The following ABCA3 variants were observed in gnomAD, a reference collection of about 807,000 sequenced individuals.
ABCA3 encodes phospholipid-transporting ATPase ABCA3.
In ABCA3, 88 loss-of-function variants were observed where a neutral mutation model predicts 172.8. The observed-to-expected ratio is 0.51, with a 90% CI of 0.43 to 0.61. The LOEUF is 0.61. ABCA3 is among the 20% of genes least tolerant of loss of function. ABCA3 has a pLI of 0.00. For missense variants in ABCA3, 2,164 were observed against 2,301.0 expected (o/e 0.94, Z 1.22); for synonymous variants, 1,066 against 983.8 (o/e 1.08, Z -1.56).
At chr16:2,300,992 A>C (rs2093688093) in intron 12 of ABCA3, among the ~76,000 whole-genome samples, 1 of 150,076 alleles carries the variant, frequency 6.7e-6, no homozygotes, top group Non-Finnish European at 1.5e-5. Flanking sequence ...GCACTTTGGG[A>C]GGCCGAGGCG....
At position 2,297,297 on chromosome 16, in the gene ABCA3, C is replaced by T. The variant is rs375573611; in HGVS notation, c.2263+32G>A. 9.3e-6 allele frequency: 15 copies of T among 1,604,894 alleles called. No homozygotes were observed. The highest frequency in any genetic ancestry group is 3.3e-5 in the South Asian group (3 of 90,900). On this transcript the variant is annotated intron_variant, in intron 17 of 32. Transcript: ENST00000301732. The surrounding 1 kb of genome is among the most constrained non-coding windows in gnomAD (Gnocchi z 5.6). ...TCCCTCAGCACGGCAGCCAGGACAC[C>T]GACCCTGTCGCGGGCTGGCCCCACC...
chr16:2,277,765 T>G lies in ABCA3; in HGVS notation c.4910-95A>C. On this transcript the variant is annotated intron_variant, in intron 31 of 32. Coordinates refer to ENST00000301732, the MANE Select transcript of ABCA3 (RefSeq NM_001089.3). The surrounding 1 kb of genome is among the most constrained non-coding windows in gnomAD (Gnocchi z 5.3). The stretch of plus-strand genomic sequence containing the variant: ...AGCACTGGAGTCCTCGTCCCAGGGA[T>G]TGGGGAGATGGGACTTGGCGGGGCG... 2 of 1,588,102 alleles carry G rather than the reference T, an allele frequency of 1.3e-6. No homozygotes were observed. The highest frequency in any genetic ancestry group is 1.7e-6 in the Non-Finnish European group (2 of 1,162,828).
chr16:2,321,356 G>GC (rs1252570794), intron 7 of ABCA3, among the ~76,000 whole-genome samples: 3 of 152,174 alleles, frequency 2.0e-5, no homozygotes, highest in African/African-American at 7.2e-5. Context: ...TAGAGCATTA[G>GC]CCTGGTGACA....
rs769597836 is a variant in ABCA3, at chr16:2,288,327, G to T, written c.2703C>A (p.Leu901=). 6.4e-7 allele frequency: 1 copy of T among 1,551,592 alleles called. No homozygotes were observed. Among genetic ancestry groups the T allele is most frequent in the East Asian group, 2.4e-5 (1 of 42,050 alleles). The change falls in exon 21 of 33, where the codon CTC becomes CTA. Residue 901 remains leucine, a splice_region_variant and synonymous_variant. Coordinates refer to ENST00000301732, the MANE Select transcript of ABCA3 (RefSeq NM_001089.3). The stretch of plus-strand genomic sequence containing the variant: ...CCCAGAATTGCTGGCAGTGCAGGGC[G>T]AGCTGCGGCAGAGGGGACGCAGGTG... ...ERTAVKLNTG[L]ALHCQQFWAM...
At chr16:2,333,215 G>A (rs1204085601) in intron 1 of ABCA3, among the ~76,000 whole-genome samples, 5 of 152,192 alleles carry the variant, frequency 3.3e-5, no homozygotes, top group Admixed American at 2.0e-4. Flanking sequence ...AGGCCAGAGT[G>A]AGGGGCACAA....
At position 2,284,865 on chromosome 16, in the gene ABCA3, G is replaced by A. The variant is rs765664396; in HGVS notation, c.3617C>T (p.Ala1206Val). 91 of 1,613,934 alleles carry A rather than the reference G, an allele frequency of 5.6e-5. 2 individuals carry two copies. The highest frequency in any genetic ancestry group is 3.3e-4 in the Middle Eastern group (2 of 6,062). The change falls in exon 24 of 33, where the codon GCG becomes GTG. Residue 1206 changes from alanine to valine, a missense_variant. Coordinates refer to ENST00000301732, the MANE Select transcript of ABCA3 (RefSeq NM_001089.3). The surrounding 1 kb of genome is among the most constrained non-coding windows in gnomAD (Gnocchi z 5.9). ...MYLMNFFFLG[A>V]ATAYTRLTIF... Reference sequence around the variant, plus strand: ...GGTCAGCCTCGTGTAGGCAGTGGCCGCCCCCAAGAAGAAGAAGTTCATCAG... The same window carrying A: ...GGTCAGCCTCGTGTAGGCAGTGGCCACCCCCAAGAAGAAGAAGTTCATCAG...
In ABCA3 at chr16:2,276,793, G is replaced by C; in HGVS notation, c.4996C>G (p.Leu1666Val). Residue 1666 changes from leucine to valine, a missense_variant, in exon 33 of 33, where the codon CTG becomes GTG. By Grantham distance (32) the Leu-to-Val change is conservative (BLOSUM62 1). Around this residue, in one of 3 missense-constraint regions of ABCA3, gnomAD observed 795 missense variants for 881.9 expected, o/e 0.90. Coordinates refer to ENST00000301732, the MANE Select transcript of ABCA3 (RefSeq NM_001089.3). The stretch of plus-strand genomic sequence containing the variant: ...CCGTACTTTTCCTTGGCTTTCTCCA[G>C]AATACCGAAAACCTTTGGGGAGCAG... ...DLSWAKVFGI[L>V]EKAKEKYGVD... The C allele has an allele frequency of 6.2e-7, 1 of 1,613,862 alleles. No homozygotes were observed. Among genetic ancestry groups the C allele is most frequent in the South Asian group, 1.1e-5 (1 of 91,084 alleles).
At chr16:2,336,531 A>G (rs1402239706) in intron 1 of ABCA3, among the ~76,000 whole-genome samples, 1 of 151,668 alleles carries the variant, frequency 6.6e-6, no homozygotes, top group African/African-American at 2.4e-5. Context: ...CCCAGGTTCA[A>G]GTGATTCTCC....
chr16:2,284,504 G>A lies in ABCA3; in HGVS notation c.3704-67C>T. ...CCACACCCACCTCCAGGACGGGCCT[G>A]GTCAGGGCGGGCACAGGGCCTTATC... On this transcript the variant is annotated intron_variant, in intron 24 of 32. Transcript: ENST00000301732. The surrounding 1 kb of genome is among the most constrained non-coding windows in gnomAD (Gnocchi z 5.9). 8 of 1,595,428 alleles carry A rather than the reference G, an allele frequency of 5.0e-6. No individual in the cohort carries two copies. The highest frequency in any genetic ancestry group is 6.9e-6 in the Non-Finnish European group (8 of 1,165,082).
At chr16:2,327,699 A>G (rs2093736603) in intron 3 of ABCA3, among the ~76,000 whole-genome samples, 1 of 152,118 alleles carries the variant, frequency 6.6e-6, no homozygotes, top group African/African-American at 2.4e-5. Context: ...TCGCAGCAAA[A>G]AGACTAGCCA....
intron 8 of ABCA3, among the ~76,000 whole-genome samples, chr16:2,319,298 A>T (rs971654934): frequency 2.0e-5 from 3 of 152,128 alleles, no homozygotes; most frequent in African/African-American, 4.8e-5. Flanking sequence ...ATCCTGGCTA[A>T]CACGGTGAAA....
intron 10 of ABCA3, among the ~76,000 whole-genome samples, chr16:2,313,099 T>C (rs2093709152): frequency 6.6e-6 from 1 of 152,062 alleles, no homozygotes; most frequent in African/African-American, 2.4e-5. Flanking sequence ...GTTTGTTTGT[T>C]TGCTTGCTGT....
At chr16:2,319,358 A>G (rs933746621) in intron 8 of ABCA3, among the ~76,000 whole-genome samples, 24 of 151,958 alleles carry the variant, frequency 1.6e-4, no homozygotes, top group East Asian at 1.4e-3. Context: ...GGTGGCAGGC[A>G]CCTATAGTCC....
chr16:2,324,567 A>G (rs1055210795), intron 5 of ABCA3, 36 bp from the exon 6 acceptor site: 3 of 1,604,936 alleles, frequency 1.9e-6, no homozygotes, highest in African/African-American at 1.3e-5. Flanking sequence ...TGGTTGCCCA[A>G]TCGGCCCTCC....
intron 11 of ABCA3, among the ~76,000 whole-genome samples, chr16:2,304,444 C>T (rs1474486193): frequency 6.6e-6 from 1 of 151,938 alleles, no homozygotes; most frequent in African/African-American, 2.4e-5. Flanking sequence ...TACATATGCA[C>T]CCACATCTAT....
intron 20 of ABCA3, among the ~76,000 whole-genome samples, chr16:2,288,689 C>T (rs1415526582): frequency 1.3e-5 from 2 of 152,170 alleles, no homozygotes; most frequent in African/African-American, 4.8e-5. Flanking sequence ...GGATTACAGG[C>T]GCACACCACC....
chr16:2,298,651 T>C (rs2093684014), intron 14 of ABCA3, 111 bp from the exon 15 acceptor site: 7 of 1,372,898 alleles, frequency 5.1e-6, no homozygotes, highest in Non-Finnish European at 6.0e-6. Flanking sequence ...CTGAGGACCC[T>C]GCCCATGAGA....
At chr16:2,276,954 C>T in intron 32 of ABCA3, 149 bp from the exon 33 acceptor site, 1 of 1,225,964 alleles carries the variant, frequency 8.2e-7, no homozygotes, top group South Asian at 1.3e-5. Flanking sequence ...GAGGTCAGCC[C>T]TGCGACGGCA....
chr16:2,277,478 G>T lies in ABCA3; in HGVS notation c.4983+119C>A. On this transcript the variant is annotated intron_variant, in intron 32 of 32. Transcript: ENST00000301732. The surrounding 1 kb of genome is among the most constrained non-coding windows in gnomAD (Gnocchi z 5.3). ...GCACGTATCAGGCTGAGTGTTAGGGGAGAAATGGAAAGTGACTCCTCTGTG... is the reference window on the plus strand; with the variant it reads ...GCACGTATCAGGCTGAGTGTTAGGGTAGAAATGGAAAGTGACTCCTCTGTG... 9.5e-7 allele frequency: 1 copy of T among 1,055,258 alleles called. No individual in the cohort carries two copies. The highest frequency in any genetic ancestry group is 1.3e-5 in the South Asian group (1 of 74,266). The allele number at this position is 1,055,258 out of a possible 1,614,324, so 65.4% of individuals were successfully genotyped here.
Sources: gnomAD v4.1 joint callset for allele counts (sites outside exome capture counted in the v4.1 genomes callset) on GRCh38, gnomAD v4.1.1 for gene constraint, gnomAD v4.1.1 regional missense constraint, Gnocchi (gnomAD v3.1) non-coding constraint, MANE v1.5 for transcripts, NCBI Gene and HGNC (gene_info 2026-07-23, HGNC 2026-07-21) for gene names.